Variants in N4BP2L1 observed in about 807,000 individuals in gnomAD.
N4BP2L1 encodes NEDD4 binding protein 2 like 1.
Under a neutral mutation model 21.2 loss-of-function variants are expected in N4BP2L1, and 12 were observed. That is an observed-to-expected ratio of 0.57 (90% CI 0.36 to 0.92). The LOEUF is 0.92. N4BP2L1 is among the 40% of genes least tolerant of loss of function. N4BP2L1 has a pLI of 0.01. For missense variants in N4BP2L1, 259 were observed against 310.6 expected (o/e 0.83, Z 1.25); for synonymous variants, 104 against 112.8 (o/e 0.92, Z 0.49).
intron 3 of N4BP2L1, among the ~76,000 whole-genome samples, chr13:32,406,277 T>A (rs1431992347): frequency 1.3e-5 from 2 of 151,976 alleles, no homozygotes; most frequent in East Asian, 3.9e-4. Context: ...GAAAACATTA[T>A]CACAAGAGAT....
intron 1 of N4BP2L1, among the ~76,000 whole-genome samples, chr13:32,408,309 G>A (rs772507989): frequency 6.6e-5 from 10 of 152,178 alleles, no homozygotes; most frequent in African/African-American, 1.9e-4. Context: ...AGTGATGCAC[G>A]TGCTCTACTT....
intron 1 of N4BP2L1, among the ~76,000 whole-genome samples, chr13:32,409,529 GT>G (rs2073726178): frequency 6.6e-6 from 1 of 152,192 alleles, no homozygotes; most frequent in Non-Finnish European, 1.5e-5. Flanking sequence ...CACTTAACAT[GT>G]GCCAAATGCC....
At chr13:32,407,144 A>T (rs1216916953) in intron 3 of N4BP2L1, 106 bp downstream of exon 3, 4 of 1,176,686 alleles carry the variant, frequency 3.4e-6, no homozygotes, top group Non-Finnish European at 5.0e-6. Flanking sequence ...AACCACTGTT[A>T]GCAAATATGA....
chr13:32,404,570 C>T (rs1306983547), intron 3 of N4BP2L1, among the ~76,000 whole-genome samples, 173 bp from the exon 4 acceptor site: 1 of 150,374 alleles, frequency 6.7e-6, no homozygotes, highest in African/African-American at 2.5e-5. Flanking sequence ...CATACTTAGC[C>T]ACTCTCATAA....
chr13:32,416,118 T>C (rs1412761941), intron 1 of N4BP2L1: 1 of 152,272 alleles, frequency 6.6e-6, no homozygotes, highest in African/African-American at 2.4e-5. Context: ...TATGTTGATA[T>C]ATAGACTTAG....
chr13:32,407,794 G>A (rs751740500), intron 1 of N4BP2L1, 22 bp from the exon 2 acceptor site: 1 of 1,558,240 alleles, frequency 6.4e-7, no homozygotes, highest in Non-Finnish European at 8.6e-7. Context: ...AGAAATGAGA[G>A]AGAGAGATGT....
intron 1 of N4BP2L1, among the ~76,000 whole-genome samples, chr13:32,427,331 A>C (rs1327955837): frequency 6.6e-6 from 1 of 152,028 alleles, no homozygotes; most frequent in African/African-American, 2.4e-5. Context: ...GCCCCGGGCC[A>C]CTGCCACGGC....
intron 1 of N4BP2L1, among the ~76,000 whole-genome samples, chr13:32,414,646 T>A (rs2074030997): frequency 6.6e-6 from 1 of 152,230 alleles, no homozygotes; most frequent in African/African-American, 2.4e-5. Flanking sequence ...TTCTATTATT[T>A]TTTTAAAAGA....
Position 32,403,065 on chromosome 13 carries a change from T to C in N4BP2L1, c.609A>G (p.Ala203=). 1 of 1,614,168 alleles carries C rather than the reference T, an allele frequency of 6.2e-7. No individual in the cohort carries two copies. The highest frequency in any genetic ancestry group is 8.5e-7 in the Non-Finnish European group (1 of 1,180,036). The change falls in exon 5 of 5, where the codon GCA becomes GCG. Residue 203 remains alanine (A), a synonymous_variant. Transcript: ENST00000380130. The part of the protein sequence containing the change: ...RMNRNQDRNN[A]LPSNNARYWN... ...AGTATCTGGCATTGTTGGAAGGCAA[T>C]GCATTATTCCTGTCCTGGTTTCTGT...
At chr13:32,408,645 G>A (rs908658960) in intron 1 of N4BP2L1, among the ~76,000 whole-genome samples, 4 of 152,160 alleles carry the variant, frequency 2.6e-5, no homozygotes, top group African/African-American at 4.8e-5. Context: ...CTTCCTTTCC[G>A]CATCTGTAAA....
At chr13:32,407,470 A>G in intron 2 of N4BP2L1, 132 bp from the exon 3 acceptor site, 1 of 1,579,688 alleles carries the variant, frequency 6.3e-7, no homozygotes, top group South Asian at 1.1e-5. Context: ...CCCACTATCA[A>G]TCAATAATTT....
intron 1 of N4BP2L1, among the ~76,000 whole-genome samples, chr13:32,415,376 G>A (rs2074078395): frequency 6.6e-6 from 1 of 152,152 alleles, no homozygotes; most frequent in African/African-American, 2.4e-5. Flanking sequence ...GTCTTTCCAG[G>A]ATATATCTAG....
intron 3 of N4BP2L1, 121 bp downstream of exon 3, chr13:32,407,128 TG>T: frequency 9.9e-7 from 1 of 1,009,620 alleles, no homozygotes; most frequent in Non-Finnish European, 1.5e-6. Context: ...ACCTTCTCCC[TG>T]GGAGAACCAC....
chr13:32,416,972 A>G (rs963355764), intron 1 of N4BP2L1, among the ~76,000 whole-genome samples: 1 of 151,594 alleles, frequency 6.6e-6, no homozygotes, highest in African/African-American at 2.4e-5. Context: ...GCGTGCCACC[A>G]CCCCTGGCTA....
Position 32,428,037 on chromosome 13 carries a change from G to T in N4BP2L1, c.46C>A (p.Pro16Thr), listed in dbSNP as rs1244121584. ...CGCTGCCGCTGCTGCTGCTGCTGGG[G>T]CTGGAGGCTCAGCCTCCCAAAAGAT... ...LQSFGRLSLQ[P>T]QQQQQRQRPP... Residue 16 changes from proline (P) to threonine (T), a missense_variant, in exon 1 of 5, where the codon CCC (proline) becomes ACC (threonine). Around this residue, in one of 3 missense-constraint regions of N4BP2L1, gnomAD observed 60 missense variants for 54.7 expected, o/e 1.10. Transcript: ENST00000380130. 1.9e-6 allele frequency: 3 copies of T among 1,544,096 alleles called. No homozygotes were observed. In the Admixed American group the frequency reaches 6.2e-5, roughly 32 times the overall value.
intron 1 of N4BP2L1, among the ~76,000 whole-genome samples, chr13:32,412,619 C>T (rs1002139699): frequency 4.9e-5 from 7 of 144,300 alleles, no homozygotes; most frequent in African/African-American, 1.0e-4. Context: ...GGTGACAGAG[C>T]GAAACTCTGT....
In N4BP2L1 at chr13:32,419,239, C is replaced by CTTTT. The variant is rs34280009; in HGVS notation, c.179+8661_179+8664dup. 2.4e-4 allele frequency among the ~76,000 whole-genome samples: 15 copies of CTTTT among 61,316 alleles called. 1 individual carries two copies. Among genetic ancestry groups the CTTTT allele is most frequent in the Admixed American group, 4.7e-4 (2 of 4,270 alleles). The allele number at this position is 61,316 out of a possible 152,430, so 40.2% of individuals were successfully genotyped here. A position where few individuals can be genotyped will look rare whatever the true frequency, so the allele number is the denominator to read the frequency against. ...GATAGTGAGTTCTCACAAGATCTGG[C>CTTTT]TTTTTTTTTTTTTTTTTTTTTTTTG... is the stretch of plus-strand genomic sequence containing the variant. On this transcript the variant is annotated intron_variant, in intron 1 of 4. Coordinates refer to ENST00000380130, the MANE Select transcript of N4BP2L1 (RefSeq NM_052818.3).
chr13:32,422,402 GT>G (rs1205641591), intron 1 of N4BP2L1, among the ~76,000 whole-genome samples: 3 of 152,166 alleles, frequency 2.0e-5, no homozygotes, highest in Non-Finnish European at 1.5e-5. Context: ...TGATCAAGAT[GT>G]TTAGCTTCTC....
Position 32,401,352 on chromosome 13 carries a change from C to G in N4BP2L1, c.*1590G>C, listed in dbSNP as rs1467187946. 2 of 152,110 alleles carry G rather than the reference C, an allele frequency of 1.3e-5. No homozygotes were observed. Among genetic ancestry groups the G allele is most frequent in the Admixed American group, 6.5e-5 (1 of 15,278 alleles). 9.4% of individuals were successfully genotyped at this position (152,110 alleles called of 1,614,324 possible). ...TTATTTTATGTTGTGCTTGGAGATA[C>G]AGAAGTTAGCAAAGCTGATAACACC... On this transcript the variant is annotated 3_prime_UTR_variant, in exon 5 of 5. Coordinates refer to ENST00000380130, the MANE Select transcript of N4BP2L1 (RefSeq NM_052818.3).
Sources: allele counts gnomAD v4.1 joint callset (sites outside exome capture counted in the v4.1 genomes callset), GRCh38; gene constraint gnomAD v4.1.1; regional missense constraint gnomAD v4.1.1; transcripts MANE v1.5; gene names NCBI Gene and HGNC (gene_info 2026-07-23, HGNC 2026-07-21).